ATXN7L1: variants seen among roughly 807,000 people sequenced by gnomAD.
The protein encoded by ATXN7L1 is ataxin 7 like 1, also known as ataxin-7-like protein 1.
A neutral mutation model predicts 70.8 loss-of-function variants in ATXN7L1; 15 were observed. That is an observed-to-expected ratio of 0.21 (90% CI 0.14 to 0.33). The LOEUF is 0.33. Ranked by LOEUF, ATXN7L1 falls within the 10% of genes least tolerant of loss-of-function variation. The pLI is 1.00. For missense variants in ATXN7L1, 975 were observed against 1,097.1 expected, an observed-to-expected ratio of 0.89 and a Z score of 1.57; for synonymous variants, 440 against 445.1, an observed-to-expected ratio of 0.99 and a Z score of 0.14.
chr7:105,679,841 G>T (rs1450365522), intron 3 of ATXN7L1, among the ~76,000 whole-genome samples: 1 of 151,940 alleles, frequency 6.6e-6, no homozygotes, highest in Non-Finnish European at 1.5e-5. Flanking sequence ...GGTGATGGTT[G>T]CACAACATTG....
intron 3 of ATXN7L1, among the ~76,000 whole-genome samples, chr7:105,739,669 G>A (rs1254843851): frequency 1.3e-5 from 2 of 152,198 alleles, no homozygotes; most frequent in Non-Finnish European, 2.9e-5. Context: ...GATTAGATCA[G>A]AGGTTCATGA....
At chr7:105,702,798 G>A (rs1421148731) in intron 3 of ATXN7L1, among the ~76,000 whole-genome samples, 2 of 151,798 alleles carry the variant, frequency 1.3e-5, no homozygotes, top group East Asian at 1.9e-4. Flanking sequence ...TGACCAACAC[G>A]GAGAAACCCC....
chr7:105,771,416 T>C (rs1440477513), intron 3 of ATXN7L1, among the ~76,000 whole-genome samples: 1 of 152,030 alleles, frequency 6.6e-6, no homozygotes, highest in Non-Finnish European at 1.5e-5. Flanking sequence ...TTTATGAAAA[T>C]AGGTCCTAGT....
At chr7:105,662,027 T>TTCC (rs1562967222) in intron 4 of ATXN7L1, among the ~76,000 whole-genome samples, 1,989 of 48,738 alleles carry the variant, frequency 0.041, 26 homozygotes, top group Middle Eastern at 0.078. Flanking sequence ...TCTTTCTTTC[T>TTCC]TTCCTTCCTT....
rs1800517851 is a variant in ATXN7L1 at position 105,761,382 on chromosome 7, A to G, written c.355+27222T>C. The G allele has an allele frequency of 1.9e-6, 3 of 1,613,736 alleles. No homozygotes were observed. In the African/African-American group the frequency reaches 4.0e-5, roughly 22 times the overall value. On this transcript the variant is annotated intron_variant, in intron 3 of 11. Coordinates refer to ENST00000419735, the MANE Select transcript of ATXN7L1 (RefSeq NM_020725.2). ...TCTCTTCTGCGTTTTCCATTCTCACACCTGATGCTTCTCTATGGCTTGGCT... is the reference window on the plus strand; with the variant it reads ...TCTCTTCTGCGTTTTCCATTCTCACGCCTGATGCTTCTCTATGGCTTGGCT...
intron 3 of ATXN7L1, among the ~76,000 whole-genome samples, chr7:105,762,025 C>T (rs1800624033): frequency 6.6e-6 from 1 of 152,212 alleles, no homozygotes; most frequent in African/African-American, 2.4e-5. Context: ...AAGACTGCTA[C>T]ATGGAATCCA....
chr7:105,794,722 C>T (rs1805742049), intron 2 of ATXN7L1, among the ~76,000 whole-genome samples: 1 of 152,136 alleles, frequency 6.6e-6, no homozygotes, highest in South Asian at 2.1e-4. Flanking sequence ...ACAAGTTGAT[C>T]ACCTCCTGTG....
intron 3 of ATXN7L1, among the ~76,000 whole-genome samples, chr7:105,707,215 G>C (rs2116256300): frequency 6.6e-6 from 1 of 152,282 alleles, no homozygotes; most frequent in East Asian, 1.9e-4. Flanking sequence ...ACCCAACCCA[G>C]GCGGTGGGTT....
At chr7:105,803,391 A>G (rs1807102034) in intron 2 of ATXN7L1, among the ~76,000 whole-genome samples, 1 of 152,048 alleles carries the variant, frequency 6.6e-6, no homozygotes, top group Admixed American at 6.6e-5. Flanking sequence ...TGCTGGCCCC[A>G]CCCTGATGTC....
chr7:105,613,825 C>G (rs1358218485), intron 10 of ATXN7L1, 37 bp downstream of exon 10: 5 of 1,551,612 alleles, frequency 3.2e-6, no homozygotes, highest in Non-Finnish European at 4.4e-6. Flanking sequence ...CCCCTGCCCC[C>G]CAGAGCCGGT....
intron 3 of ATXN7L1, among the ~76,000 whole-genome samples, chr7:105,757,832 C>T (rs961742269): frequency 6.6e-6 from 1 of 152,018 alleles, no homozygotes; most frequent in Non-Finnish European, 1.5e-5. Context: ...TCAAACAATC[C>T]TCCTGCCTCA....
chr7:105,757,643 G>T (rs1055669027), intron 3 of ATXN7L1, among the ~76,000 whole-genome samples: 3 of 146,400 alleles, frequency 2.0e-5, no homozygotes, highest in African/African-American at 7.6e-5. Context: ...GCAGTGGCAC[G>T]GTCACAGCTC....
At chr7:105,867,442 G>A (rs1817648596) in intron 2 of ATXN7L1, among the ~76,000 whole-genome samples, 1 of 152,162 alleles carries the variant, frequency 6.6e-6, no homozygotes, top group African/African-American at 2.4e-5. Flanking sequence ...GATGCTTTGG[G>A]TCTCCTCCAC....
chr7:105,805,950 G>C (rs1302941022), intron 2 of ATXN7L1, among the ~76,000 whole-genome samples: 1 of 152,186 alleles, frequency 6.6e-6, no homozygotes, highest in African/African-American at 2.4e-5. Flanking sequence ...CAGTGATCGG[G>C]TGTTTGTTTT....
chr7:105,632,801 GT>G (rs1796786850), intron 7 of ATXN7L1, among the ~76,000 whole-genome samples: 1 of 151,774 alleles, frequency 6.6e-6, no homozygotes. Flanking sequence ...TGCACCTGTA[GT>G]CCCAGGTACT....
intron 3 of ATXN7L1, among the ~76,000 whole-genome samples, chr7:105,686,289 G>C (rs1806177120): frequency 6.6e-6 from 1 of 152,236 alleles, no homozygotes. Context: ...GCTGAGGCGG[G>C]TGGATCACCT....
intron 7 of ATXN7L1, among the ~76,000 whole-genome samples, chr7:105,631,766 C>T (rs1445470391): frequency 6.6e-6 from 1 of 152,206 alleles, no homozygotes; most frequent in Non-Finnish European, 1.5e-5. Context: ...TGCACCTGGC[C>T]AATGACAATA....
chr7:105,646,896 A>C (rs1375951263), intron 4 of ATXN7L1, among the ~76,000 whole-genome samples: 1 of 151,960 alleles, frequency 6.6e-6, no homozygotes, highest in Non-Finnish European at 1.5e-5. Context: ...GAGAGCTAGG[A>C]TTGTGCCACT....
chr7:105,624,390 G>A (rs1431195687), intron 7 of ATXN7L1, 123 bp from the exon 8 acceptor site: 8 of 1,000,576 alleles, frequency 8.0e-6, no homozygotes, highest in African/African-American at 1.7e-5. Flanking sequence ...GGTGGCTCAC[G>A]CCTGTAATCC....
Sources: allele counts gnomAD v4.1 joint callset (sites outside exome capture counted in the v4.1 genomes callset), GRCh38; gene constraint gnomAD v4.1.1; transcripts MANE v1.5; gene names NCBI Gene and HGNC (gene_info 2026-07-23, HGNC 2026-07-21).